Variants in NOS1 observed in about 807,000 individuals in gnomAD.
The protein encoded by NOS1 is NOS type I.
NOS1 carries 51 observed loss-of-function variants against 164.5 expected under a neutral mutation model. The observed-to-expected ratio is 0.31, with a 90% CI of 0.25 to 0.39. NOS1 has a LOEUF of 0.39. Ranked by LOEUF, NOS1 falls within the 10% of genes least tolerant of loss-of-function variation. The probability of loss-of-function intolerance (pLI) is 1.00; values close to 1 mark genes in which losing one functional copy is unlikely to be tolerated. For synonymous variants in NOS1, 719 were observed against 745.8 expected (o/e 0.96, Z 0.59); for missense variants, 1,362 against 1,885.6 (o/e 0.72, Z 5.14).
Position 117,253,622 on chromosome 12 carries a change from T to A in NOS1, c.2648+16A>T. ...TAGTCTTCCCTGACCCCCGACCCCC[T>A]TATCCCCTTGCTCACCTCACATTGG... On this transcript the variant is annotated intron_variant, in intron 17 of 28. Transcript: ENST00000317775. 4 of 1,585,128 alleles carry A rather than the reference T, an allele frequency of 2.5e-6. No homozygotes were observed. Among genetic ancestry groups the A allele is most frequent in the African/African-American group, 1.3e-5 (1 of 74,344 alleles).
At chr12:117,226,537 A>C in intron 24 of NOS1, 146 bp downstream of exon 24, 1 of 674,390 alleles carries the variant, frequency 1.5e-6, no homozygotes. Context: ...TTCCTTAACA[A>C]CTAAGAGAGA....
chr12:117,295,260 T>C (rs943146544), intron 3 of NOS1, among the ~76,000 whole-genome samples: 2 of 152,254 alleles, frequency 1.3e-5, no homozygotes, highest in South Asian at 4.1e-4. Flanking sequence ...GTACAGCTTC[T>C]GAGCTAAGAA....
At chr12:117,251,628 A>C (rs1338211509) in intron 17 of NOS1, among the ~76,000 whole-genome samples, 4 of 149,092 alleles carry the variant, frequency 2.7e-5, no homozygotes, top group Non-Finnish European at 4.5e-5. Context: ...ACAGGGTCCC[A>C]ATATGTTGCC....
intron 2 of NOS1, among the ~76,000 whole-genome samples, chr12:117,322,385 C>T (rs377625429): frequency 2.3e-4 from 31 of 135,624 alleles, no homozygotes; most frequent in African/African-American, 8.3e-4. Flanking sequence ...CTCCCTCGTT[C>T]GTTCTCTCTT....
intron 3 of NOS1, among the ~76,000 whole-genome samples, chr12:117,303,386 T>C (rs1233202055): frequency 6.6e-6 from 1 of 152,168 alleles, no homozygotes; most frequent in Non-Finnish European, 1.5e-5. Context: ...CAACAGATTT[T>C]GACATTTTGA....
rs1242433287 is a variant in NOS1 at position 117,210,055 on chromosome 12, C to T, written c.*5254G>A. On this transcript the variant is annotated 3_prime_UTR_variant, in exon 29 of 29. Coordinates refer to ENST00000317775, the MANE Select transcript of NOS1 (RefSeq NM_000620.5). ...TGGTGCGATCCTAGCTCACTGTCGCCTCAAACTCCTGGGACCAAGTGATCC... is the reference window on the plus strand; with the variant it reads ...TGGTGCGATCCTAGCTCACTGTCGCTTCAAACTCCTGGGACCAAGTGATCC... The T allele has an allele frequency of 1.1e-6, 1 of 890,416 alleles. No individual in the cohort carries two copies. Among genetic ancestry groups the T allele is most frequent in the Non-Finnish European group, 1.3e-6 (1 of 743,290 alleles). The allele number at this position is 890,416 out of a possible 1,614,324, so 55.2% of individuals were successfully genotyped here. A position where few individuals can be genotyped will look rare whatever the true frequency, so the allele number is the denominator to read the frequency against.
chr12:117,238,663 C>G (rs529202708), intron 20 of NOS1, among the ~76,000 whole-genome samples: 6 of 151,998 alleles, frequency 3.9e-5, no homozygotes, highest in Non-Finnish European at 7.4e-5. Flanking sequence ...ATTACAGGCA[C>G]CTACCACCAC....
chr12:117,210,951 T>TTTTA lies in NOS1; in HGVS notation c.*4354_*4357dup, dbSNP rs1282575649. 3.1e-6 allele frequency: 3 copies of TTTTA among 958,748 alleles called. No homozygotes were observed. The African/African-American group carries it at 5.4e-5, about 17-fold the overall frequency. The allele number at this position is 958,748 out of a possible 1,614,324, so 59.4% of individuals were successfully genotyped here. A position where few individuals can be genotyped will look rare whatever the true frequency, so the allele number is the denominator to read the frequency against. ...GCTAGGGGCAAGATGTTTTATTTTA[T>TTTTA]TTTATTTTATTTTATTTTTTTTGAG... On this transcript the variant is annotated 3_prime_UTR_variant, in exon 29 of 29. Transcript: ENST00000317775.
rs1593013957 is a variant in NOS1, at chr12:117,311,738, C to T, written c.726-146G>A. 7.9e-5 allele frequency: 63 copies of T among 799,638 alleles called. No individual in the cohort carries two copies. In the South Asian group the frequency reaches 1.6e-3, roughly 21 times the overall value. The allele number at this position is 799,638 out of a possible 1,614,324, so 49.5% of individuals were successfully genotyped here. A position where few individuals can be genotyped will look rare whatever the true frequency, so the allele number is the denominator to read the frequency against. On this transcript the variant is annotated intron_variant, in intron 2 of 28. Transcript: ENST00000317775. ...AGCCAGCGAGCTTTGGGTACCCATC[C>T]TGCTGCTTCATAAAGACGGACAGTG...
intron 25 of NOS1, among the ~76,000 whole-genome samples, chr12:117,224,714 A>C (rs1868499298): frequency 6.6e-6 from 1 of 152,236 alleles, no homozygotes; most frequent in Non-Finnish European, 1.5e-5. Flanking sequence ...TTACATAAGC[A>C]TAGCCATTTG....
At chr12:117,301,749 T>C (rs1397514943) in intron 3 of NOS1, among the ~76,000 whole-genome samples, 3 of 152,196 alleles carry the variant, frequency 2.0e-5, no homozygotes, top group Non-Finnish European at 4.4e-5. Flanking sequence ...AAGATGACGA[T>C]GTGGTCACAA....
intron 1 of NOS1, among the ~76,000 whole-genome samples, chr12:117,354,224 G>A (rs1876761269): frequency 6.7e-6 from 1 of 149,804 alleles, no homozygotes; most frequent in Non-Finnish European, 1.5e-5. Flanking sequence ...ATTTATCTAC[G>A]TATATGAGTT....
intron 3 of NOS1, among the ~76,000 whole-genome samples, chr12:117,292,158 C>A (rs547539082): frequency 6.6e-6 from 1 of 152,240 alleles, no homozygotes; most frequent in South Asian, 2.1e-4. Flanking sequence ...AGGTACCTTG[C>A]CCTCTGGAGT....
rs2136074071 is a variant in NOS1 at position 117,330,042 on chromosome 12, A to C, written c.725+303T>G. ...AAACATAGATTGCAAAAATGCAAGT[A>C]AGTTTCCTGGAGGATTATAGGGGAT... On this transcript the variant is annotated intron_variant, in intron 2 of 28. Transcript: ENST00000317775. The surrounding 1 kb of genome is among the most constrained non-coding windows in gnomAD (Gnocchi z 4.6). Among the ~76,000 whole-genome samples the C allele has an allele frequency of 6.6e-6, 1 of 152,304 alleles. No individual in the cohort carries two copies. Among genetic ancestry groups the C allele is most frequent in the East Asian group, 1.9e-4 (1 of 5,180 alleles).
intron 2 of NOS1, among the ~76,000 whole-genome samples, chr12:117,321,538 G>T (rs907427588): frequency 2.6e-5 from 4 of 152,142 alleles, no homozygotes; most frequent in African/African-American, 9.7e-5. Context: ...CTGGCAAGAC[G>T]GCAGGGACAC....
chr12:117,215,624 A>G (rs1201760170), intron 28 of NOS1, among the ~76,000 whole-genome samples: 1 of 151,496 alleles, frequency 6.6e-6, no homozygotes, highest in African/African-American at 2.4e-5. Context: ...GTAGAGATGG[A>G]GTTTCACCAT....
chr12:117,253,783 T>C (rs745835886), intron 16 of NOS1, 29 bp from the exon 17 acceptor site: 3 of 1,535,218 alleles, frequency 2.0e-6, no homozygotes, highest in South Asian at 2.2e-5. Flanking sequence ...ACCTGTGAGC[T>C]CTGGCCTGGA....
At position 117,234,618 on chromosome 12, in the gene NOS1, G is replaced by A. The variant is rs757986064; in HGVS notation, c.3182C>T (p.Pro1061Leu). The change falls in exon 21 of 29, where the codon CCT (proline) becomes CTT (leucine). Residue 1061 changes from proline to leucine, a missense_variant. Pro to Leu is a moderately conservative substitution (Grantham distance 98, BLOSUM62 -3). Coordinates refer to ENST00000317775, the MANE Select transcript of NOS1 (RefSeq NM_000620.5). The surrounding 1 kb of genome is among the most constrained non-coding windows in gnomAD (Gnocchi z 4.3). Reference protein sequence around the residue: ...ALIERLEDAPPVNQMVKVELL... With the variant: ...ALIERLEDAPLVNQMVKVELL... ...TTCCACTTTCACCATCTGGTTGACA[G>A]GCGGCGCGTCCTCCAGCCGCTCGAT... 3.5e-5 allele frequency: 57 copies of A among 1,614,144 alleles called. 1 individual carries two copies. In the South Asian group the frequency reaches 6.0e-4, roughly 17 times the overall value.
At chr12:117,284,901 A>T (rs1467067759) in intron 7 of NOS1, among the ~76,000 whole-genome samples, 2 of 151,702 alleles carry the variant, frequency 1.3e-5, no homozygotes, top group Non-Finnish European at 2.9e-5. Flanking sequence ...AATAAAAAAA[A>T]TTAGCTGGGT....
Sources: gnomAD v4.1 joint callset for allele counts (sites outside exome capture counted in the v4.1 genomes callset) on GRCh38, gnomAD v4.1.1 for gene constraint, Gnocchi (gnomAD v3.1) non-coding constraint, MANE v1.5 for transcripts, NCBI Gene and HGNC (gene_info 2026-07-23, HGNC 2026-07-21) for gene names.